The following FRYL variants were observed in gnomAD, a reference collection of about 807,000 sequenced individuals.
FRYL encodes FRY like transcription coactivator.
FRYL carries 150 observed loss-of-function variants against 351.2 expected under a neutral mutation model. That is an observed-to-expected ratio of 0.43 (90% CI 0.37 to 0.49). The LOEUF (loss-of-function observed/expected upper bound fraction) is 0.49, where lower values mean the gene tolerates loss of function less well. Among genes scored for constraint, FRYL ranks in the 20% least tolerant of loss-of-function variants. The pLI, the probability that FRYL is intolerant of heterozygous loss-of-function variation, is 0.00. For missense variants in FRYL, 3,036 were observed against 3,619.3 expected (o/e 0.84, Z 4.13); for synonymous variants, 1,153 against 1,257.1 (o/e 0.92, Z 1.75).
At chr4:48,532,218 CA>C (rs1281700562) in intron 49 of FRYL, among the ~76,000 whole-genome samples, 3 of 117,720 alleles carry the variant, frequency 2.5e-5, no homozygotes, top group Non-Finnish European at 5.5e-5. Flanking sequence ...ATTAAGACAC[CA>C]AAAAAGGAAG....
chr4:48,611,785 T>C (rs553120176), intron 7 of FRYL, among the ~76,000 whole-genome samples: 7 of 152,306 alleles, frequency 4.6e-5, no homozygotes, highest in African/African-American at 1.7e-4. Context: ...AATTTTCTGG[T>C]TTTGTGCTTT....
At chr4:48,706,147 G>A (rs1767317696) in intron 2 of FRYL, among the ~76,000 whole-genome samples, 1 of 152,094 alleles carries the variant, frequency 6.6e-6, no homozygotes, top group African/African-American at 2.4e-5. Context: ...CTCCCTTTTA[G>A]TGTAGACTGA....
In FRYL at chr4:48,514,978, A is replaced by T. The variant is rs751808129; in HGVS notation, c.7937+50T>A. ...CAGAGGGGCACTCTTTGGAAGGAATAGGGGAGAGATTATCCCCTCACTACA... is the reference window on the plus strand; with the variant it reads ...CAGAGGGGCACTCTTTGGAAGGAATTGGGGAGAGATTATCCCCTCACTACA... On this transcript the variant is annotated intron_variant, in intron 56 of 63. Transcript: ENST00000358350. 2.0e-6 allele frequency: 3 copies of T among 1,516,896 alleles called. No individual in the cohort carries two copies. The South Asian group carries it at 3.7e-5, about 19-fold the overall frequency. The allele number at this position is 1,516,896 out of a possible 1,614,324, so 94.0% of individuals were successfully genotyped here.
At chr4:48,582,191 A>C (rs1741095213) in intron 20 of FRYL, among the ~76,000 whole-genome samples, 1 of 152,246 alleles carries the variant, frequency 6.6e-6, no homozygotes, top group Non-Finnish European at 1.5e-5. Context: ...CAAATGGAAG[A>C]CTACCAAAAA....
Position 48,542,095 on chromosome 4 carries a change from T to A in FRYL, c.5619A>T (p.Thr1873=). The change falls in exon 45 of 64, where the codon ACA becomes ACT. Residue 1873 remains threonine (T), a synonymous_variant. Transcript: ENST00000358350. ...AQGFVIELLL[T]LESAIDTLAE... Reference sequence around the variant, plus strand: ...CCAAAGTATCAATTGCAGATTCCAATGTGAGAAGAAGCTCAATCACAAATC... The same window carrying A: ...CCAAAGTATCAATTGCAGATTCCAAAGTGAGAAGAAGCTCAATCACAAATC... 1 of 1,613,638 alleles carries A rather than the reference T, an allele frequency of 6.2e-7. No individual in the cohort carries two copies.
At chr4:48,745,856 A>G (rs1253446771) in intron 1 of FRYL, among the ~76,000 whole-genome samples, 1 of 152,204 alleles carries the variant, frequency 6.6e-6, no homozygotes, top group African/African-American at 2.4e-5. Flanking sequence ...CTGTCATAGG[A>G]CAGTGACTAT....
chr4:48,557,112 C>A lies in FRYL; in HGVS notation c.4132G>T (p.Asp1378Tyr). The change falls in exon 35 of 64, where the codon GAT becomes TAT. Residue 1378 changes from aspartate (D) to tyrosine (Y), a missense_variant. Asp to Tyr is a radical substitution (Grantham distance 160). This residue lies in a region of FRYL where 1,987 missense variants were observed against 2,311.7 expected (regional missense o/e 0.86). Coordinates refer to ENST00000358350, the MANE Select transcript of FRYL (RefSeq NM_015030.2). ...TCCACCTCCGACCAGGCCAGTTCAT[C>A]GCCATACTAGATGCAATATGCACAA... ...NLMYMTAKYGDELAWSEVENV... is the reference protein window; with the variant it reads ...NLMYMTAKYGYELAWSEVENV... The A allele has an allele frequency of 6.3e-7, 1 of 1,583,654 alleles. No individual in the cohort carries two copies. The highest frequency in any genetic ancestry group is 8.6e-7 in the Non-Finnish European group (1 of 1,161,124).
intron 7 of FRYL, among the ~76,000 whole-genome samples, chr4:48,617,443 G>A (rs908526101): frequency 1.3e-5 from 2 of 151,452 alleles, no homozygotes; most frequent in Non-Finnish European, 2.9e-5. Flanking sequence ...CAAATCCCTA[G>A]GCTCAGGTGA....
At chr4:48,682,985 A>C (rs1764787022) in intron 3 of FRYL, among the ~76,000 whole-genome samples, 1 of 152,194 alleles carries the variant, frequency 6.6e-6, no homozygotes, top group Non-Finnish European at 1.5e-5. Flanking sequence ...ATATTGCGGC[A>C]CTGTTCACAA....
intron 16 of FRYL, among the ~76,000 whole-genome samples, chr4:48,593,391 C>A (rs1413359456): frequency 6.6e-6 from 1 of 151,688 alleles, no homozygotes; most frequent in Non-Finnish European, 1.5e-5. Context: ...ATTGCCCAGG[C>A]TGGAGTGCAA....
At chr4:48,575,429 CA>C (rs1315833595) in intron 24 of FRYL, among the ~76,000 whole-genome samples, 188 bp from the exon 25 acceptor site, 1 of 152,150 alleles carries the variant, frequency 6.6e-6, no homozygotes, top group African/African-American at 2.4e-5. Flanking sequence ...TGGCTTAATG[CA>C]AGTTCATTAA....
chr4:48,728,051 A>G (rs561897293), intron 1 of FRYL, among the ~76,000 whole-genome samples: 3 of 152,308 alleles, frequency 2.0e-5, no homozygotes, highest in South Asian at 4.1e-4. Flanking sequence ...ATAAAACCCT[A>G]TATTAAACAG....
chr4:48,616,437 A>G (rs1202758945), intron 7 of FRYL, among the ~76,000 whole-genome samples: 2 of 152,206 alleles, frequency 1.3e-5, no homozygotes, highest in Admixed American at 1.3e-4. Flanking sequence ...AGGCGTTATT[A>G]TATTTAATTC....
At chr4:48,726,116 A>G (rs1725352168) in intron 1 of FRYL, among the ~76,000 whole-genome samples, 1 of 152,234 alleles carries the variant, frequency 6.6e-6, no homozygotes, top group African/African-American at 2.4e-5. Flanking sequence ...TTTCTAAGAT[A>G]TAAGTTCTTT....
intron 1 of FRYL, among the ~76,000 whole-genome samples, chr4:48,721,801 C>G (rs980991354): frequency 6.6e-6 from 1 of 152,060 alleles, no homozygotes; most frequent in Non-Finnish European, 1.5e-5. Context: ...CCACCACACC[C>G]GGCTAATTTA....
intron 1 of FRYL, among the ~76,000 whole-genome samples, chr4:48,779,005 A>ACC (rs58263995): frequency 6.6e-6 from 1 of 151,238 alleles, no homozygotes; most frequent in Non-Finnish European, 1.5e-5. Context: ...CCTAACCCCC[A>ACC]CCCCCTTTTT....
chr4:48,519,082 A>G (rs1724320588), intron 55 of FRYL, among the ~76,000 whole-genome samples: 1 of 152,198 alleles, frequency 6.6e-6, no homozygotes, highest in South Asian at 2.1e-4. Flanking sequence ...TATCTCTTGA[A>G]AGGATAAAAA....
At chr4:48,581,702 G>A in intron 20 of FRYL, 97 bp from the exon 21 acceptor site, 1 of 981,252 alleles carries the variant, frequency 1.0e-6, no homozygotes, top group Non-Finnish European at 1.5e-6. Context: ...TAGTGATTAT[G>A]ACTACCGGTC....
chr4:48,776,075 A>C (rs1775984183), intron 1 of FRYL, among the ~76,000 whole-genome samples: 1 of 151,506 alleles, frequency 6.6e-6, no homozygotes, highest in Non-Finnish European at 1.5e-5. Context: ...AAAAGGAAAA[A>C]AAAAACCTGA....
Sources: gnomAD v4.1 joint callset for allele counts (sites outside exome capture counted in the v4.1 genomes callset) on GRCh38, gnomAD v4.1.1 for gene constraint, gnomAD v4.1.1 regional missense constraint, MANE v1.5 for transcripts, NCBI Gene and HGNC (gene_info 2026-07-23, HGNC 2026-07-21) for gene names.